Variants in SAMD3 observed in about 807,000 individuals in gnomAD.
SAMD3 encodes sterile alpha motif domain containing 3.
SAMD3 carries 63 observed loss-of-function variants against 58.5 expected under a neutral mutation model. That is an observed-to-expected ratio of 1.08 (90% CI 0.88 to 1.33). The LOEUF is 1.33. Ranked by LOEUF, SAMD3 falls within the 40% of genes most tolerant of loss-of-function variation. The pLI, the probability that SAMD3 is intolerant of heterozygous loss-of-function variation, is 0.00. For synonymous variants in SAMD3, 220 were observed against 210.3 expected (o/e 1.05, Z -0.40); for missense variants, 604 against 608.4 (o/e 0.99, Z 0.08).
Position 130,229,122 on chromosome 6 carries a change from A to G in SAMD3, c.-187-6309T>C, listed in dbSNP as rs146546704. 1.6e-3 allele frequency among the ~76,000 whole-genome samples: 245 copies of G among 152,338 alleles called. 1 individual carries two copies. Among genetic ancestry groups the G allele is most frequent in the African/African-American group, 5.7e-3 (237 of 41,574 alleles). On this transcript the variant is annotated intron_variant, in intron 2 of 13. Coordinates refer to the SAMD3 transcript ENST00000368134. The stretch of plus-strand genomic sequence containing the variant: ...CTGAGAAGACAGCAATGCCCAAGAA[A>G]GCAATGCTGTGCTGTGAGTTTGCAT...
At chr6:130,215,755 G>T (rs2114852121) in intron 2 of SAMD3, 1 of 1,509,760 alleles carries the variant, frequency 6.6e-7, no homozygotes. Flanking sequence ...GCCTGACAGA[G>T]ATACTTAGTA....
chr6:130,165,660 T>C (rs140586474), intron 8 of SAMD3, among the ~76,000 whole-genome samples: 114 of 152,298 alleles, frequency 7.5e-4, no homozygotes, highest in African/African-American at 2.7e-3. Flanking sequence ...CACTGGCTAT[T>C]ATCAAAGTCA....
chr6:130,288,586 G>A (rs1394159403), intron 2 of SAMD3, among the ~76,000 whole-genome samples: 1 of 152,220 alleles, frequency 6.6e-6, no homozygotes, highest in African/African-American at 2.4e-5. Flanking sequence ...GTGAAAGTTC[G>A]GCTTTGGGTA....
chr6:130,272,490 A>G (rs1774600187), intron 2 of SAMD3, among the ~76,000 whole-genome samples: 1 of 152,172 alleles, frequency 6.6e-6, no homozygotes, highest in Admixed American at 6.6e-5. Flanking sequence ...TAGGTCCAAT[A>G]CTTCTGATGT....
chr6:130,224,612 TATTATTATTATTATTA>T (rs1303403187), upstream of SAMD3, among the ~76,000 whole-genome samples: 6,543 of 148,484 alleles, frequency 0.044, 475 homozygotes, highest in African/African-American at 0.15. Context: ...TTATTATTAT[TATTATTATTATTATTA>T]TTATTTTTGA....
intron 2 of SAMD3, among the ~76,000 whole-genome samples, chr6:130,246,990 T>C (rs1306327986): frequency 6.6e-6 from 1 of 152,168 alleles, no homozygotes; most frequent in Non-Finnish European, 1.5e-5. Flanking sequence ...CAATGAGCAC[T>C]CCTAGAACCC....
chr6:130,312,111 G>T (rs956655548), intron 2 of SAMD3, among the ~76,000 whole-genome samples: 1 of 152,194 alleles, frequency 6.6e-6, no homozygotes, highest in Non-Finnish European at 1.5e-5. Context: ...TCTTGCTTCT[G>T]TGGCTTGTAG....
At chr6:130,273,489 T>C (rs1774646810) in intron 2 of SAMD3, among the ~76,000 whole-genome samples, 1 of 152,164 alleles carries the variant, frequency 6.6e-6, no homozygotes, top group Admixed American at 6.6e-5. Flanking sequence ...AATCCATTTA[T>C]ATTTAAAGTA....
intron 5 of SAMD3, among the ~76,000 whole-genome samples, chr6:130,207,876 C>G (rs983459530): frequency 6.6e-6 from 1 of 152,136 alleles, no homozygotes; most frequent in Non-Finnish European, 1.5e-5. Flanking sequence ...GAGAGGAGAG[C>G]CCAGAGCCAA....
At chr6:130,210,795 A>G (rs898292577) in intron 4 of SAMD3, among the ~76,000 whole-genome samples, 7 of 152,096 alleles carry the variant, frequency 4.6e-5, no homozygotes, top group African/African-American at 1.7e-4. Context: ...GGTGACCAGC[A>G]TTAACATCAA....
At chr6:130,231,251 T>C (rs943658314) in intron 2 of SAMD3, among the ~76,000 whole-genome samples, 2 of 152,292 alleles carry the variant, frequency 1.3e-5, no homozygotes, top group Non-Finnish European at 2.9e-5. Context: ...TTTTTTCCCA[T>C]GTTATTCAAC....
intron 2 of SAMD3, among the ~76,000 whole-genome samples, chr6:130,307,656 G>C (rs1775951974): frequency 6.6e-6 from 1 of 152,142 alleles, no homozygotes; most frequent in South Asian, 2.1e-4. Context: ...CATTTTTATA[G>C]AATTTTACTA....
At chr6:130,153,954 G>T (rs1288054126) in intron 9 of SAMD3, among the ~76,000 whole-genome samples, 1 of 151,816 alleles carries the variant, frequency 6.6e-6, no homozygotes, top group Non-Finnish European at 1.5e-5. Flanking sequence ...TGGGATTACA[G>T]GCATGAGCCA....
chr6:130,337,157 C>T (rs1777124850), intron 1 of SAMD3, among the ~76,000 whole-genome samples: 2 of 152,126 alleles, frequency 1.3e-5, no homozygotes, highest in Admixed American at 1.3e-4. Context: ...AGGGAGGGAT[C>T]TGGTGGGAGG....
At chr6:130,283,060 A>G (rs1486579740) in intron 2 of SAMD3, among the ~76,000 whole-genome samples, 1 of 139,182 alleles carries the variant, frequency 7.2e-6, no homozygotes, top group African/African-American at 2.6e-5. Context: ...AATCCTAAGG[A>G]AAAAAAGGCA....
At chr6:130,255,065 C>T (rs1234153540) in intron 2 of SAMD3, among the ~76,000 whole-genome samples, 1 of 152,102 alleles carries the variant, frequency 6.6e-6, no homozygotes, top group East Asian at 1.9e-4. Context: ...ATTTGTTGTT[C>T]AGGAGAATGT....
At chr6:130,191,567 T>C (rs1793542934) in intron 5 of SAMD3, among the ~76,000 whole-genome samples, 1 of 152,032 alleles carries the variant, frequency 6.6e-6, no homozygotes, top group Admixed American at 6.6e-5. Context: ...CTAGAAAGCT[T>C]CAGTATTTCT....
chr6:130,201,571 G>A (rs1794656492), intron 5 of SAMD3, among the ~76,000 whole-genome samples: 1 of 152,196 alleles, frequency 6.6e-6, no homozygotes, highest in Admixed American at 6.5e-5. Flanking sequence ...TCCACTAGGT[G>A]AATTTAATGT....
intron 2 of SAMD3, among the ~76,000 whole-genome samples, chr6:130,280,940 G>A (rs963736319): frequency 3.9e-5 from 6 of 152,194 alleles, no homozygotes; most frequent in Non-Finnish European, 7.4e-5. Flanking sequence ...AAGACCTCCA[G>A]TGGATGCCTG....
Sources: allele counts gnomAD v4.1 joint callset (sites outside exome capture counted in the v4.1 genomes callset), GRCh38; gene constraint gnomAD v4.1.1; transcripts MANE v1.5; gene names NCBI Gene and HGNC (gene_info 2026-07-23, HGNC 2026-07-21).